ECH1: variants seen among roughly 807,000 people sequenced by gnomAD.
The protein encoded by ECH1 is enoyl-CoA hydratase 1.
In ECH1, 30 loss-of-function variants were observed where a neutral mutation model predicts 37.0. The observed-to-expected ratio is 0.81, with a 90% CI of 0.61 to 1.10. ECH1 has a LOEUF of 1.10. Ranked by LOEUF, ECH1 falls within the 50% of genes least tolerant of loss-of-function variation. The pLI is 0.00. For synonymous variants in ECH1, 178 were observed against 176.0 expected, an observed-to-expected ratio of 1.01 and a Z score of -0.09; for missense variants, 456 against 441.6, an observed-to-expected ratio of 1.03 and a Z score of -0.29.
chr19:38,824,253 C>T (rs1456193902), intron 3 of ECH1, among the ~76,000 whole-genome samples: 2 of 152,108 alleles, frequency 1.3e-5, no homozygotes, highest in African/African-American at 2.4e-5. Context: ...TTCAAGAATG[C>T]GTCGGTAAGG....
intron 3 of ECH1, among the ~76,000 whole-genome samples, chr19:38,824,018 C>G (rs1971702985): frequency 6.6e-6 from 1 of 152,178 alleles, no homozygotes; most frequent in Non-Finnish European, 1.5e-5. Context: ...CTCAGACTAA[C>G]AGGCCTAACA....
At chr19:38,816,635 C>G in intron 6 of ECH1, 112 bp from the exon 7 acceptor site, 2 of 1,276,042 alleles carry the variant, frequency 1.6e-6, no homozygotes, top group Non-Finnish European at 1.1e-6. Context: ...ACCTTCACCC[C>G]AGTGACTTCC....
intron 3 of ECH1, among the ~76,000 whole-genome samples, chr19:38,828,023 C>A (rs1378737927): frequency 6.6e-6 from 1 of 151,778 alleles, no homozygotes; most frequent in East Asian, 1.9e-4. Context: ...CCAGACTGGG[C>A]AACATAGCAA....
At position 38,817,530 on chromosome 19, in the gene ECH1, C is replaced by T. The variant is rs749650404; in HGVS notation, c.395G>A (p.Gly132Glu). The change falls in exon 4 of 10, where the codon GGA becomes GAA. Residue 132 changes from glycine (G) to glutamate (E), a missense_variant. Physicochemically the swap from Gly to Glu is moderately conservative, Grantham distance 98. Coordinates refer to ENST00000221418, the MANE Select transcript of ECH1 (RefSeq NM_001398.3). The stretch of plus-strand genomic sequence containing the variant: ...CCAGCTGATCCGGGCCACATCATCT[C>T]CTTTGGGCTGCAGGATGTCCGAAGC... Reference protein sequence around the residue: ...DMASDILQPKGDDVARISWYL... With the variant: ...DMASDILQPKEDDVARISWYL... The T allele has an allele frequency of 1.9e-6, 3 of 1,612,594 alleles. No individual in the cohort carries two copies. The highest frequency in any genetic ancestry group is 2.5e-6 in the Non-Finnish European group (3 of 1,178,764).
intron 6 of ECH1, 112 bp downstream of exon 6, chr19:38,816,953 A>T: frequency 2.4e-6 from 3 of 1,233,712 alleles, no homozygotes; most frequent in Non-Finnish European, 3.4e-6. Flanking sequence ...GGCAAGTCTT[A>T]CTTTGTCGGG....
intron 3 of ECH1, among the ~76,000 whole-genome samples, chr19:38,824,657 G>A (rs542989947): frequency 6.6e-6 from 1 of 152,274 alleles, no homozygotes; most frequent in Non-Finnish European, 1.5e-5. Flanking sequence ...TAAGAGGGAA[G>A]GCAAATGGAG....
intron 8 of ECH1, 76 bp downstream of exon 8, chr19:38,816,207 CA>C: frequency 1.3e-6 from 2 of 1,566,466 alleles, no homozygotes; most frequent in South Asian, 1.1e-5. Flanking sequence ...AGCGAGGAGA[CA>C]AGGGGACCCG....
At position 38,831,381 on chromosome 19, in the gene ECH1, G is replaced by A. The variant is rs571334652; in HGVS notation, c.188C>T (p.Ala63Val). Reference sequence around the variant, plus strand: ...CTGGACATGCAGAACATGTTTCTGCGCAGACGTCACACGAAGGGACTCATA... The same window carrying A: ...CTGGACATGCAGAACATGTTTCTGCACAGACGTCACACGAAGGGACTCATA... ...HSYESLRVTS[A>V]QKHVLHVQLN... Residue 63 changes from alanine to valine, a missense_variant, in exon 2 of 10, where the codon GCG (alanine) becomes GTG (valine). Ala to Val is a moderately conservative substitution (Grantham distance 64). Transcript: ENST00000221418. The A allele has an allele frequency of 3.1e-6, 5 of 1,613,988 alleles. No homozygotes were observed. Among genetic ancestry groups the A allele is most frequent in the Admixed American group, 3.3e-5 (2 of 60,000 alleles).
rs1971567127 is a variant in ECH1 at position 38,815,910 on chromosome 19, C to T, written c.829G>A (p.Val277Ile). ...TGGTCGCGGGAATACAGCAGGTTGA[C>T]CTTGGTGCTCTGCACCGCCACGGGG... Reference protein sequence around the residue: ...KSPVAVQSTKVNLLYSRDHSV... With the variant: ...KSPVAVQSTKINLLYSRDHSV... Residue 277 changes from valine (V) to isoleucine (I), a missense_variant, in exon 9 of 10, where the codon GTC becomes ATC. By Grantham distance (29) the Val-to-Ile change is conservative. Transcript: ENST00000221418. The T allele has an allele frequency of 6.2e-7, 1 of 1,614,090 alleles. No homozygotes were observed. Among genetic ancestry groups the T allele is most frequent in the African/African-American group, 1.3e-5 (1 of 74,942 alleles).
chr19:38,816,744 C>G (rs1971582571), intron 6 of ECH1, among the ~76,000 whole-genome samples: 1 of 152,130 alleles, frequency 6.6e-6, no homozygotes, highest in South Asian at 2.1e-4. Context: ...CCCTCCCATT[C>G]CCTCAGGGCA....
At chr19:38,829,709 G>A (rs1440811008) in intron 3 of ECH1, among the ~76,000 whole-genome samples, 1 of 148,068 alleles carries the variant, frequency 6.8e-6, no homozygotes, top group Middle Eastern at 3.6e-3. Flanking sequence ...CCCAGTACTC[G>A]GGAGGCTGAG....
chr19:38,831,550 G>T (rs745325738), intron 1 of ECH1, 34 bp from the exon 2 acceptor site: 2 of 1,591,014 alleles, frequency 1.3e-6, no homozygotes, highest in South Asian at 1.1e-5. Context: ...GATGACCCCA[G>T]ACTGCAAGAC....
At chr19:38,816,580 T>A in intron 6 of ECH1, 57 bp from the exon 7 acceptor site, 1 of 1,590,182 alleles carries the variant, frequency 6.3e-7, no homozygotes, top group Non-Finnish European at 8.6e-7. Context: ...CCCCTCGCAA[T>A]GTCAACGTCC....
intron 3 of ECH1, chr19:38,819,323 T>C: frequency 1.5e-6 from 1 of 689,078 alleles, no homozygotes; most frequent in Non-Finnish European, 1.8e-6. Flanking sequence ...ACTGACTCCT[T>C]CACTTCCTTC....
At position 38,815,504 on chromosome 19, in the gene ECH1, G is replaced by GA; in HGVS notation, c.*108dup. 1 of 1,030,502 alleles carries GA rather than the reference G, an allele frequency of 9.7e-7. No individual in the cohort carries two copies. Among genetic ancestry groups the GA allele is most frequent in the South Asian group, 1.4e-5 (1 of 71,960 alleles). 63.8% of individuals were successfully genotyped at this position (1,030,502 alleles called of 1,614,324 possible). A position where few individuals can be genotyped will look rare whatever the true frequency, so the allele number is the denominator to read the frequency against. On this transcript the variant is annotated 3_prime_UTR_variant, in exon 10 of 10. Coordinates refer to ENST00000221418, the MANE Select transcript of ECH1 (RefSeq NM_001398.3). ...TCATTGTCATAAAGTTATAAACTGG[G>GA]AAACTGGGTCAGAAGGCATAGAAAC...
rs367713046 is a variant in ECH1, at chr19:38,815,567, C to A, written c.*46G>T. 3 of 1,575,202 alleles carry A rather than the reference C, an allele frequency of 1.9e-6. No homozygotes were observed. Among genetic ancestry groups the A allele is most frequent in the Non-Finnish European group, 1.7e-6 (2 of 1,146,632 alleles). ...CCATCCTCCCTTTCTGTGGATGAGG[C>A]GGGACAAGGCCGGCCCCCTGGCTGG... On this transcript the variant is annotated 3_prime_UTR_variant, in exon 10 of 10. Transcript: ENST00000221418.
intron 3 of ECH1, among the ~76,000 whole-genome samples, chr19:38,829,973 T>C (rs1185710990): frequency 6.6e-6 from 1 of 151,834 alleles, no homozygotes; most frequent in Non-Finnish European, 1.5e-5. Flanking sequence ...CTGGCCAACA[T>C]GGTAAAACTC....
intron 3 of ECH1, chr19:38,817,834 A>G (rs1055525210): frequency 5.7e-6 from 5 of 874,706 alleles, no homozygotes; most frequent in Non-Finnish European, 6.9e-6. Context: ...TGTGTTACCA[A>G]TGGGTAAACT....
In ECH1 at chr19:38,817,314, AC is replaced by A. The variant is rs1971592785; in HGVS notation, c.523+1del. The A allele has an allele frequency of 6.4e-7, 1 of 1,552,416 alleles. No individual in the cohort carries two copies. ...CGAGCAGGAGGATAGCCGCAGACTC[AC>A]CTCCGCCAATGCAGCCCCCATGGAC... On this transcript the variant is annotated splice_donor_variant, in intron 5 of 9. Coordinates refer to ENST00000221418, the MANE Select transcript of ECH1 (RefSeq NM_001398.3). LOFTEE classifies it high-confidence loss of function.
Sources: allele counts gnomAD v4.1 joint callset (sites outside exome capture counted in the v4.1 genomes callset), GRCh38; gene constraint gnomAD v4.1.1; transcripts MANE v1.5; gene names NCBI Gene and HGNC (gene_info 2026-07-23, HGNC 2026-07-21).